The following RALYL variants were observed in gnomAD, a reference collection of about 807,000 sequenced individuals.
RALYL encodes RALY RNA binding protein like.
A neutral mutation model predicts 35.1 loss-of-function variants in RALYL; 29 were observed. That is an observed-to-expected ratio of 0.83 (90% confidence interval 0.61 to 1.13). The LOEUF is 1.13. Ranked by LOEUF, RALYL falls within the 50% of genes most tolerant of loss-of-function variation. RALYL has a pLI of 0.00. For missense variants in RALYL, 359 were observed against 360.4 expected, an observed-to-expected ratio of 1.00 and a Z score of 0.03; for synonymous variants, 120 against 127.6, an observed-to-expected ratio of 0.94 and a Z score of 0.40.
chr8:84,731,019 A>G (rs7834016), intron 2 of RALYL, among the ~76,000 whole-genome samples: 34,283 of 152,046 alleles, frequency 0.23, 4,051 homozygotes, highest in Non-Finnish European at 0.24. Context: ...ATAGAGGAGA[A>G]GAGAATGTGA....
At chr8:84,476,025 A>G (rs2053366211) in intron 1 of RALYL, among the ~76,000 whole-genome samples, 5 of 152,200 alleles carry the variant, frequency 3.3e-5, no homozygotes. Flanking sequence ...TGTTATTACT[A>G]CATTTCAGGG....
At chr8:84,729,149 A>C (rs1376972256) in intron 2 of RALYL, among the ~76,000 whole-genome samples, 5 of 152,006 alleles carry the variant, frequency 3.3e-5, no homozygotes, top group African/African-American at 9.6e-5. Context: ...CTTTTATTTC[A>C]TTGAGCAGTG....
intron 2 of RALYL, among the ~76,000 whole-genome samples, chr8:84,699,089 GTAGA>G (rs1184306249): frequency 3.9e-5 from 6 of 152,056 alleles, no homozygotes; most frequent in East Asian, 1.9e-4. Flanking sequence ...TAGATAGATA[GTAGA>G]TAGATAAGTG....
At chr8:84,863,401 A>C (rs898515761) in intron 6 of RALYL, among the ~76,000 whole-genome samples, 3 of 152,206 alleles carry the variant, frequency 2.0e-5, no homozygotes, top group Admixed American at 1.3e-4. Flanking sequence ...CGAGCCAGAG[A>C]GAGAAAGTCT....
At chr8:84,688,853 G>T (rs529871721) in intron 2 of RALYL, among the ~76,000 whole-genome samples, 11 of 151,894 alleles carry the variant, frequency 7.2e-5, no homozygotes, top group Non-Finnish European at 1.5e-4. Flanking sequence ...TCTAAAATAC[G>T]TAAGAAACTC....
chr8:84,508,196 G>A (rs1383047002), intron 1 of RALYL, among the ~76,000 whole-genome samples: 1 of 151,824 alleles, frequency 6.6e-6, no homozygotes, highest in Non-Finnish European at 1.5e-5. Context: ...AAGTTCACAT[G>A]CCTTGAAAAA....
intron 2 of RALYL, among the ~76,000 whole-genome samples, chr8:84,630,568 T>C (rs1823702313): frequency 6.6e-6 from 1 of 152,042 alleles, no homozygotes; most frequent in Admixed American, 6.6e-5. Flanking sequence ...TGCTCATCTT[T>C]AAATTAGGAC....
At chr8:84,719,417 T>A (rs1221344159) in intron 2 of RALYL, among the ~76,000 whole-genome samples, 1 of 152,202 alleles carries the variant, frequency 6.6e-6, no homozygotes, top group Non-Finnish European at 1.5e-5. Context: ...TGCCAAGTCC[T>A]TTTTGTTCTC....
chr8:84,326,516 A>G (rs73291389), intron 1 of RALYL, among the ~76,000 whole-genome samples: 1,911 of 152,324 alleles, frequency 0.013, 56 homozygotes, highest in African/African-American at 0.043. Flanking sequence ...TTATTCGCTT[A>G]GTTGATGCCT....
intron 2 of RALYL, among the ~76,000 whole-genome samples, chr8:84,576,089 A>T (rs1809353303): frequency 1.3e-5 from 2 of 152,222 alleles, no homozygotes; most frequent in Non-Finnish European, 2.9e-5. Flanking sequence ...ATTAAAAAGG[A>T]GAGTGTCACA....
chr8:84,497,722 A>G (rs1267108416), intron 1 of RALYL, among the ~76,000 whole-genome samples: 1 of 149,292 alleles, frequency 6.7e-6, no homozygotes, highest in Non-Finnish European at 1.5e-5. Flanking sequence ...GCTCACTGCA[A>G]CCTCCACCTC....
intron 1 of RALYL, among the ~76,000 whole-genome samples, chr8:84,280,053 T>G (rs957111691): frequency 2.0e-5 from 3 of 152,198 alleles, no homozygotes; most frequent in Non-Finnish European, 4.4e-5. Context: ...GGTTGGTTTA[T>G]TTGAAGTAGT....
chr8:84,766,446 C>T (rs1188560570), intron 2 of RALYL, among the ~76,000 whole-genome samples: 1 of 151,696 alleles, frequency 6.6e-6, no homozygotes, highest in Admixed American at 6.6e-5. Context: ...GTAATCCTAG[C>T]ACTTTGGGAG....
intron 2 of RALYL, among the ~76,000 whole-genome samples, chr8:84,677,364 A>T (rs528175665): frequency 6.6e-6 from 1 of 152,348 alleles, no homozygotes; most frequent in Non-Finnish European, 1.5e-5. Flanking sequence ...TATAGATTGG[A>T]AATAATATAA....
chr8:84,474,829 A>T (rs1458478528), intron 1 of RALYL, among the ~76,000 whole-genome samples: 1 of 152,144 alleles, frequency 6.6e-6, no homozygotes, highest in African/African-American at 2.4e-5. Context: ...TCTTCGAAAA[A>T]AGGAAATAGA....
At chr8:84,189,685 T>C (rs1041531508) in intron 1 of RALYL, among the ~76,000 whole-genome samples, 18 of 152,244 alleles carry the variant, frequency 1.2e-4, no homozygotes, top group African/African-American at 3.4e-4. Context: ...TTTTTTTTTT[T>C]TTTCCTACAC....
At chr8:84,226,591 A>T (rs1038066180) in intron 1 of RALYL, among the ~76,000 whole-genome samples, 6 of 133,896 alleles carry the variant, frequency 4.5e-5, no homozygotes, top group African/African-American at 1.5e-4. Flanking sequence ...TATGAAATAA[A>T]TGGTGGCTGG....
intron 2 of RALYL, among the ~76,000 whole-genome samples, chr8:84,620,882 G>T (rs1821202927): frequency 6.6e-6 from 1 of 152,138 alleles, no homozygotes; most frequent in Admixed American, 6.5e-5. Context: ...CCCTGCTGGG[G>T]GGTGCCTCCC....
At chr8:84,332,925 C>T (rs906705007) in intron 1 of RALYL, among the ~76,000 whole-genome samples, 9 of 152,118 alleles carry the variant, frequency 5.9e-5, no homozygotes, top group Admixed American at 2.6e-4. Context: ...TCCCTAAAAA[C>T]GTATCAGCAG....
Sources: gnomAD v4.1 joint callset for allele counts (sites outside exome capture counted in the v4.1 genomes callset) on GRCh38, gnomAD v4.1.1 for gene constraint, MANE v1.5 for transcripts, NCBI Gene and HGNC (gene_info 2026-07-23, HGNC 2026-07-21) for gene names.